PCLO: variants seen among roughly 807,000 people sequenced by gnomAD.
PCLO encodes the protein protein piccolo.
In PCLO, 82 loss-of-function variants were observed where a neutral mutation model predicts 427.5. The observed-to-expected ratio is 0.19, with a 90% CI of 0.16 to 0.23. The LOEUF (loss-of-function observed/expected upper bound fraction) is 0.23, where lower values mean the gene tolerates loss of function less well. PCLO is among the 10% of genes least tolerant of loss of function. The pLI is 1.00. For missense variants in PCLO, 6,239 were observed against 6,115.9 expected (o/e 1.02, Z -0.67); for synonymous variants, 2,357 against 2,155.4 (o/e 1.09, Z -2.59).
chr7:82,908,941 C>A lies in PCLO; in HGVS notation c.13373G>T (p.Gly4458Val). 1.2e-6 allele frequency: 2 copies of A among 1,612,892 alleles called. No homozygotes were observed. The highest frequency in any genetic ancestry group is 1.7e-6 in the Non-Finnish European group (2 of 1,179,174). Residue 4458 changes from glycine (G) to valine (V), a missense_variant, in exon 8 of 25, where the codon GGT becomes GTT. Physicochemically the swap from Gly to Val is moderately radical, Grantham distance 109. Coordinates refer to ENST00000333891, the MANE Select transcript of PCLO (RefSeq NM_033026.6). ...TCTTTCCGGCAGTTTTCGGTCCAGA[C>A]CATGTCCATTTTCCAAACGAGACTC... ...PRESRLENGH[G>V]LDRKLPERLV...
intron 6 of PCLO, among the ~76,000 whole-genome samples, chr7:82,928,169 A>T (rs1794757413): frequency 6.6e-6 from 1 of 152,136 alleles, no homozygotes; most frequent in Non-Finnish European, 1.5e-5. Context: ...ACAGGTTTCT[A>T]ATTGTTCTTT....
At chr7:82,852,299 G>A (rs1044625356) in intron 10 of PCLO, among the ~76,000 whole-genome samples, 7 of 152,134 alleles carry the variant, frequency 4.6e-5, no homozygotes, top group Non-Finnish European at 8.8e-5. Flanking sequence ...GTGTGTCTGT[G>A]AGGGTGTTGC....
intron 3 of PCLO, among the ~76,000 whole-genome samples, chr7:83,095,624 T>C (rs1790515060): frequency 6.6e-6 from 1 of 152,056 alleles, no homozygotes; most frequent in Non-Finnish European, 1.5e-5. Context: ...TTATATGTTT[T>C]ACTTCCATTT....
At position 82,822,517 on chromosome 7, in the gene PCLO, C is replaced by G; in HGVS notation, c.14769G>C (p.Val4923=). ...TACTTGGTTGAATGCGGAGTTGTTG[C>G]ACGGCAGCTTCGGCAGCAGCTATGG... ...GAAIAAAEAA[V]QQLRIQPTKP... is the part of the protein sequence containing the mutation. Residue 4923 remains valine, a synonymous_variant, in exon 20 of 25, where the codon GTG becomes GTC. Transcript: ENST00000333891. 6.2e-7 allele frequency: 1 copy of G among 1,613,834 alleles called. No homozygotes were observed. The highest frequency in any genetic ancestry group is 8.5e-7 in the Non-Finnish European group (1 of 1,179,836).
intron 6 of PCLO, among the ~76,000 whole-genome samples, chr7:82,923,723 C>G (rs1223066967): frequency 6.6e-6 from 1 of 152,018 alleles, no homozygotes; most frequent in Admixed American, 6.6e-5. Context: ...TAATGTTTTC[C>G]TATGACAGCC....
rs1794440746 is a variant in PCLO, at chr7:82,915,772, C to T, written c.12214G>A (p.Asp4072Asn). 4 of 1,612,140 alleles carry T rather than the reference C, an allele frequency of 2.5e-6. No homozygotes were observed. The highest frequency in any genetic ancestry group is 1.7e-5 in the Admixed American group (1 of 59,694). ...AGGAGACGGTCTGTTTTTGACAGATCCTTTTCATGAAGGCTAAATGCGGTG... is the reference window on the plus strand; with the variant it reads ...AGGAGACGGTCTGTTTTTGACAGATTCTTTTCATGAAGGCTAAATGCGGTG... ...LSTAFSLHEKDLSKTDRLLRT... is the reference protein window; with the variant it reads ...LSTAFSLHEKNLSKTDRLLRT... The change falls in exon 7 of 25, where the codon GAT becomes AAT. Residue 4072 changes from aspartate (D) to asparagine (N), a missense_variant. Asp to Asn is a conservative substitution (Grantham distance 23). This residue lies in a region of PCLO where 680 missense variants were observed against 677.3 expected (regional missense o/e 1.00). Coordinates refer to ENST00000333891, the MANE Select transcript of PCLO (RefSeq NM_033026.6).
At position 82,949,755 on chromosome 7, in the gene PCLO, C is replaced by G. The variant is rs762368050; in HGVS notation, c.10833G>C (p.Gln3611His). 1 of 1,613,776 alleles carries G rather than the reference C, an allele frequency of 6.2e-7. No homozygotes were observed. The highest frequency in any genetic ancestry group is 1.1e-5 in the South Asian group (1 of 91,076). Reference sequence around the variant, plus strand: ...GGGATTTGGGTGGGGAAGGAGCCAGCTGTACTGTGGAATCTGCCCGGAGGT... The same window carrying G: ...GGGATTTGGGTGGGGAAGGAGCCAGGTGTACTGTGGAATCTGCCCGGAGGT... ...SSHLRADSTV[Q>H]LAPSPPKSPK... Residue 3611 changes from glutamine (Q) to histidine (H), a missense_variant, in exon 6 of 25, where the codon CAG becomes CAC. This residue lies in a region of PCLO where 4,677 missense variants were observed against 4,468.4 expected (regional missense o/e 1.05). Transcript: ENST00000333891.
At chr7:83,012,251 G>A (rs1274249852) in intron 3 of PCLO, among the ~76,000 whole-genome samples, 1 of 152,080 alleles carries the variant, frequency 6.6e-6, no homozygotes, top group Admixed American at 6.6e-5. Flanking sequence ...TCATCTGGGG[G>A]AAGTTACTAC....
intron 4 of PCLO, among the ~76,000 whole-genome samples, chr7:82,962,692 T>C (rs2115631038): frequency 6.6e-6 from 1 of 152,028 alleles, no homozygotes; most frequent in Non-Finnish European, 1.5e-5. Context: ...ATTTTTTAAA[T>C]AAAAAATATT....
chr7:82,780,440 T>G lies in PCLO; in HGVS notation c.15008-18947A>C, dbSNP rs572057038. Among the ~76,000 whole-genome samples, 290 of 152,342 alleles carry G rather than the reference T, an allele frequency of 1.9e-3. 1 individual carries two copies. The highest frequency in any genetic ancestry group is 6.7e-3 in the African/African-American group (280 of 41,580). ...TTCTGGATTGATTGAAGATTGAAGTTAACCACCACTCTCTCCCAAGATGCC... is the reference window on the plus strand; with the variant it reads ...TTCTGGATTGATTGAAGATTGAAGTGAACCACCACTCTCTCCCAAGATGCC... On this transcript the variant is annotated intron_variant, in intron 22 of 24. Coordinates refer to ENST00000333891, the MANE Select transcript of PCLO (RefSeq NM_033026.6).
chr7:82,974,455 C>T (rs958417511), intron 3 of PCLO, among the ~76,000 whole-genome samples: 7 of 152,280 alleles, frequency 4.6e-5, no homozygotes, highest in African/African-American at 1.4e-4. Context: ...AAAGGCACAG[C>T]TGATTTCTCA....
chr7:82,834,905 C>T (rs1792188407), intron 16 of PCLO, among the ~76,000 whole-genome samples: 1 of 151,894 alleles, frequency 6.6e-6, no homozygotes, highest in Admixed American at 6.6e-5. Flanking sequence ...AATGTTTCAA[C>T]ATTAGGTTCA....
In PCLO at chr7:82,756,094, C is replaced by G. The variant is rs556847064; in HGVS notation, c.*2481G>C. The G allele has an allele frequency of 6.6e-6, 1 of 152,186 alleles. No individual in the cohort carries two copies. The highest frequency in any genetic ancestry group is 1.9e-4 in the East Asian group (1 of 5,158). The allele number at this position is 152,186 out of a possible 1,614,324, so 9.4% of individuals were successfully genotyped here. On this transcript the variant is annotated 3_prime_UTR_variant, in exon 25 of 25. Transcript: ENST00000333891. The stretch of plus-strand genomic sequence containing the variant: ...TGGTGATCCCTCCATTTATATTATT[C>G]TAAAAGAAATTGCAACTGGAATGAA...
intron 14 of PCLO, among the ~76,000 whole-genome samples, chr7:82,840,861 G>T (rs2115776648): frequency 6.6e-6 from 1 of 151,718 alleles, no homozygotes; most frequent in African/African-American, 2.4e-5. Context: ...CTAAGGTGCA[G>T]GTTTTAAAGT....
intron 10 of PCLO, among the ~76,000 whole-genome samples, chr7:82,873,393 A>G (rs1793289122): frequency 1.3e-5 from 2 of 152,050 alleles, no homozygotes; most frequent in South Asian, 4.2e-4. Context: ...ATAAGAAAAA[A>G]GTAGGAATAA....
At chr7:83,075,467 T>C (rs1349347887) in intron 3 of PCLO, among the ~76,000 whole-genome samples, 1 of 152,086 alleles carries the variant, frequency 6.6e-6, no homozygotes, top group African/African-American at 2.4e-5. Context: ...TTCTAAACAT[T>C]TTTAATATAC....
chr7:83,077,905 C>T (rs889581664), intron 3 of PCLO, among the ~76,000 whole-genome samples: 3 of 151,978 alleles, frequency 2.0e-5, no homozygotes, highest in Admixed American at 6.6e-5. Flanking sequence ...AAAATGCAGA[C>T]GCTTAATGGG....
chr7:82,780,579 G>A (rs368452655), intron 22 of PCLO, among the ~76,000 whole-genome samples: 2 of 152,230 alleles, frequency 1.3e-5, no homozygotes, highest in East Asian at 3.9e-4. Context: ...AAGGAGTCTC[G>A]CTCTGTCGCC....
intron 3 of PCLO, among the ~76,000 whole-genome samples, chr7:83,064,299 GA>G (rs1789611318): frequency 6.6e-6 from 1 of 151,988 alleles, no homozygotes; most frequent in South Asian, 2.1e-4. Context: ...TATGAATATG[GA>G]AACAGGTCAT....
Sources: allele counts gnomAD v4.1 joint callset (sites outside exome capture counted in the v4.1 genomes callset), GRCh38; gene constraint gnomAD v4.1.1; regional missense constraint gnomAD v4.1.1; transcripts MANE v1.5; gene names NCBI Gene and HGNC (gene_info 2026-07-23, HGNC 2026-07-21).